Variants in SGCD observed in about 807,000 individuals in gnomAD.
SGCD encodes sarcoglycan delta.
Under a neutral mutation model 36.6 loss-of-function variants are expected in SGCD, and 18 were observed. That is an observed-to-expected ratio of 0.49 (90% CI 0.34 to 0.73). The LOEUF (loss-of-function observed/expected upper bound fraction) is 0.73, where lower values mean the gene tolerates loss of function less well. Among genes scored for constraint, SGCD ranks in the 30% least tolerant of loss-of-function variants. The pLI is 0.01. For synonymous variants in SGCD, 133 were observed against 130.6 expected, an observed-to-expected ratio of 1.02 and a Z score of -0.12; for missense variants, 387 against 346.7, an observed-to-expected ratio of 1.12 and a Z score of -0.92.
At chr5:156,495,463 A>T (rs1756141555) in intron 3 of SGCD, among the ~76,000 whole-genome samples, 1 of 152,212 alleles carries the variant, frequency 6.6e-6, no homozygotes, top group Non-Finnish European at 1.5e-5. Flanking sequence ...TTGAAATCTC[A>T]TAAAAGACAC....
intron 3 of SGCD, among the ~76,000 whole-genome samples, chr5:156,361,564 T>C (rs944796989): frequency 2.0e-5 from 3 of 152,234 alleles, no homozygotes; most frequent in Non-Finnish European, 4.4e-5. Flanking sequence ...TTAAAACATT[T>C]GGAGAATTGT....
upstream of SGCD, among the ~76,000 whole-genome samples, chr5:155,865,997 A>G (rs1410712348): frequency 6.6e-6 from 1 of 152,158 alleles, no homozygotes. Flanking sequence ...TAAAATTGGT[A>G]CCTTTTGAAA....
intron 1 of SGCD, among the ~76,000 whole-genome samples, chr5:155,972,495 T>G (rs896812802): frequency 6.6e-6 from 1 of 152,188 alleles, no homozygotes; most frequent in Non-Finnish European, 1.5e-5. Flanking sequence ...GAATTATTAC[T>G]CTTGTAGTCA....
At chr5:156,218,693 C>T (rs1764640357) in intron 3 of SGCD, among the ~76,000 whole-genome samples, 2 of 152,236 alleles carry the variant, frequency 1.3e-5, no homozygotes, top group Middle Eastern at 3.4e-3. Flanking sequence ...TGTACAACTA[C>T]CCACAGTCAT....
At chr5:156,248,811 T>C (rs926804815) in intron 3 of SGCD, among the ~76,000 whole-genome samples, 8 of 152,052 alleles carry the variant, frequency 5.3e-5, no homozygotes, top group Non-Finnish European at 7.4e-5. Flanking sequence ...ATGATAGCAA[T>C]TGAGAAGGAA....
At chr5:156,280,322 G>C (rs1766421145) in intron 3 of SGCD, among the ~76,000 whole-genome samples, 1 of 152,158 alleles carries the variant, frequency 6.6e-6, no homozygotes, top group African/African-American at 2.4e-5. Context: ...AACCCATAGA[G>C]AGTGTCTGAT....
At chr5:156,124,109 C>G (rs1386258176) in intron 3 of SGCD, 1 of 152,212 alleles carries the variant, frequency 6.6e-6, no homozygotes, top group Admixed American at 6.5e-5. Flanking sequence ...CTCCCCCTTT[C>G]CCTGACCTTC....
At chr5:155,904,295 A>G (rs930834799) in intron 1 of SGCD, among the ~76,000 whole-genome samples, 1 of 152,182 alleles carries the variant, frequency 6.6e-6, no homozygotes, top group Non-Finnish European at 1.5e-5. Flanking sequence ...GATAGAACTT[A>G]CCACTGCAAT....
At chr5:156,188,938 G>C (rs576672083) in intron 3 of SGCD, among the ~76,000 whole-genome samples, 1 of 152,092 alleles carries the variant, frequency 6.6e-6, no homozygotes, top group Admixed American at 6.6e-5. Flanking sequence ...TGGTGTATAA[G>C]CTTCTGCACC....
intron 3 of SGCD, among the ~76,000 whole-genome samples, chr5:156,398,343 A>C (rs1771971140): frequency 1.3e-5 from 2 of 152,198 alleles, no homozygotes; most frequent in African/African-American, 4.8e-5. Context: ...TTGTTGAGGA[A>C]TCTATTTAGA....
chr5:155,970,315 AACTATC>A (rs1440972571), intron 1 of SGCD, among the ~76,000 whole-genome samples: 3 of 152,132 alleles, frequency 2.0e-5, no homozygotes, highest in Non-Finnish European at 4.4e-5. Flanking sequence ...CTTGTGTAAT[AACTATC>A]ACTCTCTCTG....
At chr5:155,771,491 T>C in the SGCD span, among the ~76,000 whole-genome samples, 1 of 151,910 alleles carries the variant, frequency 6.6e-6, no homozygotes, top group African/African-American at 2.4e-5. Context: ...TGGCGTGATA[T>C]CAGCTTACTG....
At chr5:156,617,427 G>A (rs773115916) in intron 6 of SGCD, among the ~76,000 whole-genome samples, 28 of 152,314 alleles carry the variant, frequency 1.8e-4, no homozygotes, top group Middle Eastern at 3.4e-3. Context: ...AAGGAAGTTG[G>A]GGATACCTCT....
intron 7 of SGCD, among the ~76,000 whole-genome samples, chr5:156,741,628 C>T (rs144449262): frequency 2.7e-4 from 41 of 152,158 alleles, no homozygotes; most frequent in African/African-American, 7.0e-4. Context: ...TCTTCAAACA[C>T]GAGCTGTGAA....
intron 1 of SGCD, among the ~76,000 whole-genome samples, chr5:156,044,043 G>A (rs946945310): frequency 6.6e-6 from 1 of 152,176 alleles, no homozygotes; most frequent in Non-Finnish European, 1.5e-5. Flanking sequence ...ATATTTGTAT[G>A]TATTCAGTCA....
At chr5:155,946,711 C>T (rs997137769) in intron 1 of SGCD, among the ~76,000 whole-genome samples, 8 of 152,082 alleles carry the variant, frequency 5.3e-5, no homozygotes, top group African/African-American at 1.7e-4. Context: ...TGTGAAATTC[C>T]TCAGCCACTA....
chr5:156,186,744 T>C (rs1835918), intron 3 of SGCD, among the ~76,000 whole-genome samples: 101,013 of 151,928 alleles, frequency 0.66, 34,009 homozygotes, highest in African/African-American at 0.78. Context: ...GAACTTGTTT[T>C]AAGGCTCCCT....
At chr5:156,074,349 A>G (rs1162581717) in intron 1 of SGCD, among the ~76,000 whole-genome samples, 1 of 152,176 alleles carries the variant, frequency 6.6e-6, no homozygotes, top group African/African-American at 2.4e-5. Context: ...AAATGCCATA[A>G]TCCCAACTGT....
At chr5:156,710,356 T>A (rs539564248) in intron 7 of SGCD, among the ~76,000 whole-genome samples, 3 of 152,182 alleles carry the variant, frequency 2.0e-5, no homozygotes, top group African/African-American at 7.2e-5. Flanking sequence ...CCAGGTACTT[T>A]GAAAAATACT....
Sources: gnomAD v4.1 joint callset for allele counts (sites outside exome capture counted in the v4.1 genomes callset) on GRCh38, gnomAD v4.1.1 for gene constraint, MANE v1.5 for transcripts, NCBI Gene and HGNC (gene_info 2026-07-23, HGNC 2026-07-21) for gene names.